MIA2: variants seen among roughly 807,000 people sequenced by gnomAD.
The protein encoded by MIA2 is MIA SH3 domain ER export factor 2.
Under a neutral mutation model 167.8 loss-of-function variants are expected in MIA2, and 127 were observed. The observed-to-expected ratio is 0.76, with a 90% confidence interval of 0.66 to 0.88. MIA2 has a LOEUF of 0.88. MIA2 is among the 40% of genes least tolerant of loss of function. The pLI is 0.00. For synonymous variants in MIA2, 552 were observed against 541.9 expected, an observed-to-expected ratio of 1.02 and a Z score of -0.26; for missense variants, 1,690 against 1,624.7, an observed-to-expected ratio of 1.04 and a Z score of -0.69.
At chr14:39,264,261 G>A (rs1456478778) in intron 6 of MIA2, among the ~76,000 whole-genome samples, 1 of 152,154 alleles carries the variant, frequency 6.6e-6, no homozygotes, top group African/African-American at 2.4e-5. Context: ...CATCCACGTT[G>A]CTGCAAAGAA....
chr14:39,369,561 A>G (rs1449831547), intron 23 of MIA2, among the ~76,000 whole-genome samples: 2 of 152,116 alleles, frequency 1.3e-5, no homozygotes, highest in Admixed American at 6.5e-5. Context: ...TAGTTATTTT[A>G]TCTTCAACCT....
At chr14:39,257,349 C>CT (rs952850245) in intron 6 of MIA2, among the ~76,000 whole-genome samples, 22 of 151,508 alleles carry the variant, frequency 1.5e-4, no homozygotes, top group African/African-American at 5.1e-4. Context: ...ATGCCCTTTT[C>CT]TTTTTTTTGA....
chr14:39,329,798 C>T (rs2068396792), intron 25 of MIA2, among the ~76,000 whole-genome samples: 2 of 152,132 alleles, frequency 1.3e-5, no homozygotes, highest in Admixed American at 6.5e-5. Context: ...TTGAACCAGC[C>T]TTGCATCCCA....
Position 39,288,462 on chromosome 14 carries a change from T to TTG in MIA2, c.2131-2557_2131-2556insTG, listed in dbSNP as rs1566747993. On this transcript the variant is annotated intron_variant, in intron 9 of 28. Coordinates refer to ENST00000640607, the MANE Select transcript of MIA2 (RefSeq NM_001329214.4). Reference sequence around the variant, plus strand: ...ATATATATATATATATATATATATATATATATATATATATTTTTTTTTTTT... The same window carrying TTG: ...ATATATATATATATATATATATATATTGATATATATATATATTTTTTTTTTTT... Among the ~76,000 whole-genome samples, 3 of 20,048 alleles carry TTG rather than the reference T, an allele frequency of 1.5e-4. 1 individual carries two copies. The highest frequency in any genetic ancestry group is 5.2e-4 in the African/African-American group (3 of 5,748). The allele number at this position is 20,048 out of a possible 152,430, so 13.2% of individuals were successfully genotyped here.
At chr14:39,258,628 T>C (rs1257689597) in intron 6 of MIA2, among the ~76,000 whole-genome samples, 1 of 152,214 alleles carries the variant, frequency 6.6e-6, no homozygotes, top group Non-Finnish European at 1.5e-5. Flanking sequence ...GTGCCCTTGC[T>C]GGAGAGGACT....
chr14:39,298,428 T>G (rs1285892014), intron 13 of MIA2, among the ~76,000 whole-genome samples: 1 of 19,178 alleles, frequency 5.2e-5, no homozygotes, highest in Admixed American at 3.4e-4. Context: ...TATATATATA[T>G]ATATATATAT....
intron 2 of MIA2, among the ~76,000 whole-genome samples, chr14:39,238,792 T>TAAAAAAAAAAAA (rs2053890396): frequency 1.3e-3 from 2 of 1,546 alleles, no homozygotes; most frequent in Non-Finnish European, 3.4e-3. Flanking sequence ...AGACCCTGTC[T>TAAAAAAAAAAAA]CAAAAAAAAA....
At chr14:39,288,472 T>TTTTTG (rs2060222140) in intron 9 of MIA2, among the ~76,000 whole-genome samples, 1 of 50,590 alleles carries the variant, frequency 2.0e-5, no homozygotes. Flanking sequence ...TATATATATA[T>TTTTTG]ATATTTTTTT....
intron 14 of MIA2, among the ~76,000 whole-genome samples, chr14:39,301,531 A>T (rs2062498152): frequency 6.6e-6 from 1 of 152,190 alleles, no homozygotes; most frequent in Admixed American, 6.5e-5. Context: ...GAAGGGTGAA[A>T]ATTGTAGATC....
intron 25 of MIA2, among the ~76,000 whole-genome samples, chr14:39,343,570 A>G (rs1276647935): frequency 6.6e-6 from 1 of 152,188 alleles, no homozygotes; most frequent in East Asian, 1.9e-4. Context: ...AATGCCCAGT[A>G]CACTTATTCC....
chr14:39,253,896 C>A (rs1023583880), intron 6 of MIA2, among the ~76,000 whole-genome samples: 6 of 152,180 alleles, frequency 3.9e-5, no homozygotes, highest in Non-Finnish European at 8.8e-5. Flanking sequence ...TTCCTTTTCT[C>A]ATCTACTGCT....
chr14:39,292,196 T>G (rs1238268385), intron 10 of MIA2, among the ~76,000 whole-genome samples: 2 of 152,206 alleles, frequency 1.3e-5, no homozygotes, highest in African/African-American at 4.8e-5. Flanking sequence ...AATTTATGTT[T>G]GATAAAAAAA....
At chr14:39,250,180 A>C (rs1399116310) in intron 4 of MIA2, among the ~76,000 whole-genome samples, 1 of 152,228 alleles carries the variant, frequency 6.6e-6, no homozygotes, top group African/African-American at 2.4e-5. Flanking sequence ...CCAGAAATCC[A>C]GATGATTCCA....
chr14:39,264,808 G>C (rs951468466), intron 6 of MIA2, among the ~76,000 whole-genome samples: 1 of 152,188 alleles, frequency 6.6e-6, no homozygotes, highest in Non-Finnish European at 1.5e-5. Context: ...CCCTTCATAA[G>C]GGAAATCAGT....
At chr14:39,318,090 C>G (rs2065818051) in intron 22 of MIA2, 79 bp downstream of exon 22, 14 of 1,049,612 alleles carry the variant, frequency 1.3e-5, no homozygotes, top group Admixed American at 1.0e-4. Context: ...TAAGGTTAAG[C>G]AAGAAAACTT....
At chr14:39,359,992 G>GTT (rs58076493) in intron 23 of MIA2, among the ~76,000 whole-genome samples, 14 of 128,826 alleles carry the variant, frequency 1.1e-4, no homozygotes, top group South Asian at 2.6e-4. Flanking sequence ...TCTGCAGCAT[G>GTT]TTTTTTTTTT....
At chr14:39,386,934 A>C in exon 24 of MIA2, 1 of 768,450 alleles carries the variant, frequency 1.3e-6, no homozygotes, top group Non-Finnish European at 2.3e-6. Context: ...GTAGGGGCCT[A>C]GGAGGGCCCC....
intron 6 of MIA2, among the ~76,000 whole-genome samples, chr14:39,262,425 A>G (rs1166089864): frequency 2.0e-5 from 3 of 152,158 alleles, no homozygotes; most frequent in Admixed American, 1.3e-4. Flanking sequence ...GTAGCTTTGT[A>G]GTATAGTTTG....
intron 3 of MIA2, among the ~76,000 whole-genome samples, chr14:39,244,760 A>G (rs4902457): frequency 0.99 from 151,085 of 152,160 alleles, 75,015 homozygotes; most frequent in East Asian, 1. Flanking sequence ...CTCAATAAAT[A>G]AAGTCAAATT....
Sources: gnomAD v4.1 joint callset for allele counts (sites outside exome capture counted in the v4.1 genomes callset) on GRCh38, gnomAD v4.1.1 for gene constraint, MANE v1.5 for transcripts, NCBI Gene and HGNC (gene_info 2026-07-23, HGNC 2026-07-21) for gene names.